IL23R: variants seen among roughly 807,000 people sequenced by gnomAD.
The protein encoded by IL23R is interleukin-23 receptor.
A neutral mutation model predicts 56.9 loss-of-function variants in IL23R; 34 were observed. That is an observed-to-expected ratio of 0.60 (90% confidence interval 0.45 to 0.80). IL23R has a LOEUF of 0.80. Ranked by LOEUF, IL23R falls within the 30% of genes least tolerant of loss-of-function variation. IL23R has a pLI of 0.00. For missense variants in IL23R, 635 were observed against 730.0 expected, an observed-to-expected ratio of 0.87 and a Z score of 1.50; for synonymous variants, 230 against 249.2, an observed-to-expected ratio of 0.92 and a Z score of 0.73.
chr1:67,176,849 T>C (rs1019457705), intron 3 of IL23R, among the ~76,000 whole-genome samples: 4 of 152,136 alleles, frequency 2.6e-5, no homozygotes, highest in African/African-American at 9.7e-5. Flanking sequence ...TGTGTTCTCA[T>C]TGTTCAGTTC....
chr1:67,161,280 A>G (rs1646816832), intron 1 of IL23R, among the ~76,000 whole-genome samples: 1 of 152,202 alleles, frequency 6.6e-6, no homozygotes, highest in Admixed American at 6.5e-5. Flanking sequence ...ATTGACTAGG[A>G]AGAATCCTCT....
chr1:67,254,649 T>C (rs1201280414), intron 9 of IL23R, among the ~76,000 whole-genome samples: 1 of 152,216 alleles, frequency 6.6e-6, no homozygotes, highest in Non-Finnish European at 1.5e-5. Flanking sequence ...TCAGCCATTT[T>C]GGTTGTTATT....
At chr1:67,201,376 C>G (rs998774537) in intron 5 of IL23R, among the ~76,000 whole-genome samples, 16 of 150,480 alleles carry the variant, frequency 1.1e-4, no homozygotes, top group Non-Finnish European at 2.1e-4. Context: ...CCACTGCACT[C>G]CAGCCTGGGT....
chr1:67,259,491 A>G lies in IL23R; in HGVS notation c.*363A>G, dbSNP rs185937924. On this transcript the variant is annotated 3_prime_UTR_variant, in exon 11 of 11. Transcript: ENST00000347310. ...CGAAGGTGGAACATGCTTCATGGTC[A>G]CACATACAGGCACAAAAACAGCATT... 1.7e-4 allele frequency: 52 copies of G among 307,720 alleles called. No individual in the cohort carries two copies. The highest frequency in any genetic ancestry group is 2.2e-3 in the Middle Eastern group (2 of 918). 19.1% of individuals were successfully genotyped at this position (307,720 alleles called of 1,614,324 possible). A position where few individuals can be genotyped will look rare whatever the true frequency, so the allele number is the denominator to read the frequency against.
At chr1:67,165,893 A>G (rs1272174185), upstream of IL23R, among the ~76,000 whole-genome samples, 1 of 152,248 alleles carries the variant, frequency 6.6e-6, no homozygotes, top group African/African-American at 2.4e-5. Flanking sequence ...TCTGATATAC[A>G]GTATGGTGAC....
chr1:67,152,607 A>G (rs1367628036), intron 1 of IL23R, among the ~76,000 whole-genome samples: 2 of 152,162 alleles, frequency 1.3e-5, no homozygotes, highest in Non-Finnish European at 2.9e-5. Context: ...AGCTCTTATT[A>G]TTTTGAGATA....
chr1:67,248,442 G>C (rs1374315140), intron 9 of IL23R, among the ~76,000 whole-genome samples: 1 of 151,976 alleles, frequency 6.6e-6, no homozygotes, highest in Non-Finnish European at 1.5e-5. Flanking sequence ...CGAAGTTCTT[G>C]TGCTGTGTTT....
intron 6 of IL23R, among the ~76,000 whole-genome samples, chr1:67,212,787 T>TCAAGCAAC (rs1328155619): frequency 6.6e-6 from 1 of 152,156 alleles, no homozygotes; most frequent in African/African-American, 2.4e-5. Flanking sequence ...ACTGCTGAGC[T>TCAAGCAAC]CAAGCAACCA....
intron 6 of IL23R, chr1:67,207,588 T>C (rs1363432018): frequency 2.7e-6 from 1 of 374,492 alleles, no homozygotes; most frequent in Non-Finnish European, 5.2e-6. Flanking sequence ...CTGATGCGTT[T>C]ATCAGAGGTT....
chr1:67,193,884 C>A (rs1192929519), intron 4 of IL23R, among the ~76,000 whole-genome samples: 1 of 152,172 alleles, frequency 6.6e-6, no homozygotes, highest in Non-Finnish European at 1.5e-5. Flanking sequence ...CAAGACTCAA[C>A]CCTGTTTTAA....
At chr1:67,222,102 C>CCTTTTT (rs1650299705) in intron 7 of IL23R, among the ~76,000 whole-genome samples, 2 of 58,890 alleles carry the variant, frequency 3.4e-5, no homozygotes, top group South Asian at 1.8e-3. Flanking sequence ...TTCTTTCTTT[C>CCTTTTT]TTTTTTTTTT....
intron 1 of IL23R, among the ~76,000 whole-genome samples, chr1:67,150,884 T>C (rs940784985): frequency 6.6e-6 from 1 of 152,196 alleles, no homozygotes; most frequent in East Asian, 1.9e-4. Context: ...TTCCATGTTT[T>C]GCTGTTATAA....
rs138725052 is a variant in IL23R at position 67,147,594 on chromosome 1, G to C, written c.-634+8433G>C. ...AGGCACCTGTAATCCCAGCTACTCA[G>C]GAGGCTGAGGCAGGATAATAGCTTA... is the stretch of plus-strand genomic sequence containing the variant. On this transcript the variant is annotated intron_variant, in intron 1 of 10. Coordinates refer to the IL23R transcript ENST00000637002. Among the ~76,000 whole-genome samples the C allele has an allele frequency of 1.7e-4, 26 of 152,194 alleles. 1 individual carries two copies. In the East Asian group the frequency reaches 5.0e-3, roughly 29 times the overall value.
At chr1:67,182,347 C>T (rs1647158961) in intron 3 of IL23R, among the ~76,000 whole-genome samples, 1 of 152,228 alleles carries the variant, frequency 6.6e-6, no homozygotes, top group Non-Finnish European at 1.5e-5. Flanking sequence ...GGGCACCCCT[C>T]TCCCAGCCTC....
intron 8 of IL23R, among the ~76,000 whole-genome samples, chr1:67,239,312 G>A (rs904242506): frequency 2.0e-5 from 3 of 152,216 alleles, no homozygotes; most frequent in Non-Finnish European, 4.4e-5. Flanking sequence ...CGCCCAGGCT[G>A]GAGTGCAGCG....
chr1:67,159,628 G>A (rs572883263), intron 1 of IL23R, among the ~76,000 whole-genome samples: 2 of 152,164 alleles, frequency 1.3e-5, no homozygotes, highest in Non-Finnish European at 2.9e-5. Context: ...TCATGCAGTG[G>A]TGCATGCTTG....
At chr1:67,238,217 A>G (rs1458637058) in intron 8 of IL23R, among the ~76,000 whole-genome samples, 1 of 151,894 alleles carries the variant, frequency 6.6e-6, no homozygotes, top group Admixed American at 6.6e-5. Flanking sequence ...GTGTGGTGTC[A>G]TGTACCTGTA....
chr1:67,227,040 C>T (rs747459692), intron 7 of IL23R, among the ~76,000 whole-genome samples: 6 of 152,180 alleles, frequency 3.9e-5, no homozygotes, highest in Non-Finnish European at 7.3e-5. Flanking sequence ...TTATGAGAAC[C>T]GCTGAGAGCT....
At chr1:67,151,925 G>C (rs1422007211) in intron 1 of IL23R, among the ~76,000 whole-genome samples, 1 of 152,100 alleles carries the variant, frequency 6.6e-6, no homozygotes, top group Non-Finnish European at 1.5e-5. Flanking sequence ...TTTTTGCTTA[G>C]GATTGTCTTG....
Sources: gnomAD v4.1 joint callset for allele counts (sites outside exome capture counted in the v4.1 genomes callset) on GRCh38, gnomAD v4.1.1 for gene constraint, MANE v1.5 for transcripts, NCBI Gene and HGNC (gene_info 2026-07-23, HGNC 2026-07-21) for gene names.